SPINK8: variants seen among roughly 807,000 people sequenced by gnomAD.
SPINK8 encodes the protein serine peptidase inhibitor Kazal type 8 (putative).
A neutral mutation model predicts 14.4 loss-of-function variants in SPINK8; 12 were observed. The ratio of observed to expected loss-of-function variants is 0.83; its 90% CI spans 0.53 to 1.35. SPINK8 has a LOEUF of 1.35. SPINK8 is among the 40% of genes most tolerant of loss of function. The pLI is 0.00. For missense variants in SPINK8, 103 were observed against 117.0 expected (o/e 0.88, Z 0.55); for synonymous variants, 32 against 37.6 (o/e 0.85, Z 0.55).
intron 6 of SPINK8, 137 bp downstream of exon 6, chr3:48,319,360 G>A (rs2036037301): frequency 2.0e-6 from 2 of 1,007,898 alleles, no homozygotes; most frequent in Non-Finnish European, 2.9e-6. Flanking sequence ...GGAAGAAAGG[G>A]AGGAACAAAT....
intron 3 of SPINK8, among the ~76,000 whole-genome samples, chr3:48,328,841 A>C (rs1042849381): frequency 3.9e-5 from 6 of 152,156 alleles, no homozygotes; most frequent in Admixed American, 3.3e-4. Context: ...AAAACACCAA[A>C]ACCTCACTCC....
intron 7 of SPINK8, 124 bp downstream of exon 7, chr3:48,309,780 T>A (rs2035899153): frequency 7.8e-7 from 1 of 1,288,296 alleles, no homozygotes; most frequent in African/African-American, 1.6e-5. Context: ...GATCTATTAT[T>A]GGCTCTACTT....
chr3:48,312,825 C>T (rs966536640), intron 6 of SPINK8, among the ~76,000 whole-genome samples: 3 of 151,946 alleles, frequency 2.0e-5, no homozygotes, highest in Admixed American at 6.6e-5. Context: ...GGTGAAACCC[C>T]GTCTCCACTA....
chr3:48,332,929 C>T (rs2036284608), intron 1 of SPINK8, among the ~76,000 whole-genome samples: 1 of 152,138 alleles, frequency 6.6e-6, no homozygotes, highest in Admixed American at 6.5e-5. Context: ...CCTCCCACCA[C>T]TTCAAGGGGG....
At chr3:48,309,175 G>A (rs532958220) in intron 7 of SPINK8, among the ~76,000 whole-genome samples, 118 of 152,346 alleles carry the variant, frequency 7.7e-4, no homozygotes, top group African/African-American at 2.6e-3. Flanking sequence ...CAATTGTCCT[G>A]TTTTACCTGC....
chr3:48,315,005 G>A (rs1337383747), intron 6 of SPINK8, among the ~76,000 whole-genome samples: 2 of 152,208 alleles, frequency 1.3e-5, no homozygotes, highest in Non-Finnish European at 2.9e-5. Flanking sequence ...GTAGAGACAT[G>A]CCTCAGTGCA....
intron 6 of SPINK8, among the ~76,000 whole-genome samples, chr3:48,315,958 G>C (rs915322041): frequency 6.6e-6 from 1 of 152,076 alleles, no homozygotes; most frequent in Non-Finnish European, 1.5e-5. Flanking sequence ...AGTCAAATGT[G>C]CTTGAAGATA....
At chr3:48,308,980 C>T (rs982304709) in intron 7 of SPINK8, among the ~76,000 whole-genome samples, 1 of 152,094 alleles carries the variant, frequency 6.6e-6, no homozygotes, top group African/African-American at 2.4e-5. Flanking sequence ...TTCATAGTTA[C>T]CCCAAATCAT....
intron 7 of SPINK8, among the ~76,000 whole-genome samples, chr3:48,307,584 A>G (rs919441008): frequency 6.4e-5 from 9 of 140,594 alleles, no homozygotes; most frequent in Non-Finnish European, 1.0e-4. Context: ...TCAAACTCCA[A>G]TTGATTCTCT....
chr3:48,309,716 G>C (rs2035898517), intron 7 of SPINK8, among the ~76,000 whole-genome samples, 188 bp downstream of exon 7: 1 of 152,168 alleles, frequency 6.6e-6, no homozygotes, highest in African/African-American at 2.4e-5. Context: ...AGAATAGAGG[G>C]AGGAAATGTG....
At chr3:48,320,902 T>A in intron 5 of SPINK8, 123 bp downstream of exon 5, 1 of 888,494 alleles carries the variant, frequency 1.1e-6, no homozygotes, top group Non-Finnish European at 1.7e-6. Flanking sequence ...CAGCTTTTAT[T>A]GTTCTGTTAT....
chr3:48,308,535 C>T (rs1025322088), intron 7 of SPINK8, among the ~76,000 whole-genome samples: 1 of 152,108 alleles, frequency 6.6e-6, no homozygotes, highest in Admixed American at 6.5e-5. Flanking sequence ...ACAGGGATCT[C>T]CCCTAGAAGA....
intron 7 of SPINK8, among the ~76,000 whole-genome samples, chr3:48,308,121 C>T (rs2035874800): frequency 6.6e-6 from 1 of 151,622 alleles, no homozygotes. Context: ...CTACAGGCGC[C>T]CGCCACCAAG....
intron 7 of SPINK8, 30 bp from the exon 8 acceptor site, chr3:48,307,033 C>A: frequency 1.2e-6 from 2 of 1,609,638 alleles, no homozygotes; most frequent in South Asian, 2.2e-5. Context: ...TTAGAGAAAT[C>A]AAATTTGAGG....
chr3:48,329,495 T>C (rs967490784), intron 2 of SPINK8, among the ~76,000 whole-genome samples: 10 of 152,260 alleles, frequency 6.6e-5, no homozygotes, highest in Admixed American at 5.9e-4. Context: ...TTTGAATTCC[T>C]ACATTTTAAT....
At chr3:48,330,925 C>T (rs1358100601) in intron 2 of SPINK8, among the ~76,000 whole-genome samples, 2 of 151,856 alleles carry the variant, frequency 1.3e-5, no homozygotes, top group East Asian at 3.9e-4. Flanking sequence ...GCTTCCTGCT[C>T]AACTGGGGCA....
At chr3:48,323,191 C>G (rs1427188339) in intron 4 of SPINK8, among the ~76,000 whole-genome samples, 1 of 152,136 alleles carries the variant, frequency 6.6e-6, no homozygotes, top group East Asian at 1.9e-4. Context: ...GTCACACAGG[C>G]TGGAGTGCAG....
chr3:48,319,132 CTCT>C (rs1352587384), intron 6 of SPINK8, among the ~76,000 whole-genome samples: 1 of 152,192 alleles, frequency 6.6e-6, no homozygotes, highest in East Asian at 1.9e-4. Flanking sequence ...CTTCCTCTTC[CTCT>C]TCTTTTTGTT....
chr3:48,323,978 G>C (rs1243652207), intron 4 of SPINK8, among the ~76,000 whole-genome samples: 1 of 123,030 alleles, frequency 8.1e-6, no homozygotes, highest in Non-Finnish European at 1.8e-5. Flanking sequence ...TCAGTCTTTT[G>C]CTTTTCCATA....
Sources: gnomAD v4.1 joint callset for allele counts (sites outside exome capture counted in the v4.1 genomes callset) on GRCh38, gnomAD v4.1.1 for gene constraint, MANE v1.5 for transcripts, NCBI Gene and HGNC (gene_info 2026-07-23, HGNC 2026-07-21) for gene names.